Variants in CDH8 observed in about 807,000 individuals in gnomAD.
The protein encoded by CDH8 is cadherin-8.
CDH8 carries 17 observed loss-of-function variants against 68.1 expected under a neutral mutation model. That is an observed-to-expected ratio of 0.25 (90% CI 0.17 to 0.37). The LOEUF is 0.37. Among genes scored for constraint, CDH8 ranks in the 10% least tolerant of loss-of-function variants. The pLI, the probability that CDH8 is intolerant of heterozygous loss-of-function variation, is 1.00. For synonymous variants in CDH8, 372 were observed against 365.1 expected, an observed-to-expected ratio of 1.02 and a Z score of -0.21; for missense variants, 763 against 999.3, an observed-to-expected ratio of 0.76 and a Z score of 3.19.
intron 8 of CDH8, among the ~76,000 whole-genome samples, chr16:61,758,767 G>A (rs1960387916): frequency 1.3e-5 from 2 of 152,112 alleles, no homozygotes; most frequent in Admixed American, 1.3e-4. Context: ...AATTAAGAAA[G>A]AGTCTCAGTT....
chr16:61,807,809 A>T (rs1413163101), intron 7 of CDH8, among the ~76,000 whole-genome samples: 1 of 152,180 alleles, frequency 6.6e-6, no homozygotes, highest in Non-Finnish European at 1.5e-5. Context: ...GGAAACTACT[A>T]GTTTGGGCCA....
Position 61,888,336 on chromosome 16 carries a change from G to A in CDH8, c.547+12843C>T, listed in dbSNP as rs918382808. Among the ~76,000 whole-genome samples the A allele has an allele frequency of 7.2e-4, 110 of 152,100 alleles. 1 individual carries two copies. Among genetic ancestry groups the A allele is most frequent in the African/African-American group, 2.1e-3 (86 of 41,426 alleles). On this transcript the variant is annotated intron_variant, in intron 3 of 11. Transcript: ENST00000577390. Reference sequence around the variant, plus strand: ...CCCATGGGTTCTAGTTGGTCCTCTGGGATTCCAGTGTATTCCTGGTCTTTC... The same window carrying A: ...CCCATGGGTTCTAGTTGGTCCTCTGAGATTCCAGTGTATTCCTGGTCTTTC...
At chr16:61,818,878 T>C (rs140825449) in intron 6 of CDH8, among the ~76,000 whole-genome samples, 1 of 152,020 alleles carries the variant, frequency 6.6e-6, no homozygotes, top group East Asian at 1.9e-4. Context: ...TATATTCTTA[T>C]TTCAAACTAT....
At chr16:62,007,157 C>T (rs1965989346) in intron 2 of CDH8, among the ~76,000 whole-genome samples, 1 of 152,102 alleles carries the variant, frequency 6.6e-6, no homozygotes, top group Non-Finnish European at 1.5e-5. Context: ...CCACCCACCT[C>T]GGCCTCCCAA....
chr16:61,982,371 C>T (rs896013519), intron 2 of CDH8, among the ~76,000 whole-genome samples: 1 of 152,136 alleles, frequency 6.6e-6, no homozygotes, highest in East Asian at 1.9e-4. Context: ...AGGCGCCCGC[C>T]ACCTCGCCCG....
At chr16:61,882,276 C>T (rs1963593001) in intron 3 of CDH8, among the ~76,000 whole-genome samples, 1 of 152,206 alleles carries the variant, frequency 6.6e-6, no homozygotes, top group Admixed American at 6.5e-5. Context: ...AATAATCATA[C>T]ACGTTTCCAT....
intron 8 of CDH8, among the ~76,000 whole-genome samples, chr16:61,752,652 T>C (rs922449886): frequency 1.3e-5 from 2 of 152,196 alleles, no homozygotes; most frequent in African/African-American, 4.8e-5. Context: ...TGAATAGTAT[T>C]TTGTCTATTA....
intron 4 of CDH8, among the ~76,000 whole-genome samples, chr16:61,831,627 T>C (rs757571263): frequency 6.6e-6 from 1 of 151,810 alleles, no homozygotes; most frequent in Non-Finnish European, 1.5e-5. Flanking sequence ...TTTGGCGTTA[T>C]CATTTGAGAA....
intron 2 of CDH8, among the ~76,000 whole-genome samples, chr16:61,994,636 G>T (rs1454421488): frequency 1.3e-5 from 2 of 152,146 alleles, no homozygotes; most frequent in Admixed American, 6.6e-5. Flanking sequence ...CTAAAAGTGT[G>T]GTCTTCAGAC....
rs950851901 is a variant in CDH8 at position 62,016,212 on chromosome 16, G to A, written c.252+4940C>T. ...GAGAACCACATTCCTTCATGTCAGA[G>A]TACTTATTTCAGTTTTCTTGTGATG... On this transcript the variant is annotated intron_variant, in intron 2 of 11. Transcript: ENST00000577390. 4.6e-5 allele frequency among the ~76,000 whole-genome samples: 7 copies of A among 152,050 alleles called. 1 individual carries two copies. Among genetic ancestry groups the A allele is most frequent in the African/African-American group, 1.7e-4 (7 of 41,394 alleles).
intron 4 of CDH8, among the ~76,000 whole-genome samples, chr16:61,845,858 T>C (rs1230815001): frequency 2.6e-5 from 4 of 152,110 alleles, no homozygotes; most frequent in Non-Finnish European, 4.4e-5. Context: ...CCATAGGAGT[T>C]TGAAAAACCG....
At chr16:61,975,530 G>A (rs1169060108) in intron 2 of CDH8, among the ~76,000 whole-genome samples, 1 of 152,058 alleles carries the variant, frequency 6.6e-6, no homozygotes, top group African/African-American at 2.4e-5. Flanking sequence ...GAGCACCAAT[G>A]GTGAAACTAA....
At chr16:61,989,267 T>A (rs531739622) in intron 2 of CDH8, among the ~76,000 whole-genome samples, 2 of 152,352 alleles carry the variant, frequency 1.3e-5, no homozygotes, top group Non-Finnish European at 2.9e-5. Context: ...TGGTACATTG[T>A]TATTTTTTGA....
At chr16:62,010,410 C>T (rs1287677493) in intron 2 of CDH8, among the ~76,000 whole-genome samples, 1 of 152,112 alleles carries the variant, frequency 6.6e-6, no homozygotes, top group Non-Finnish European at 1.5e-5. Flanking sequence ...TCTGTGATCA[C>T]CACGCACAGG....
intron 2 of CDH8, among the ~76,000 whole-genome samples, chr16:61,944,004 A>G (rs377239355): frequency 3.9e-5 from 6 of 152,222 alleles, no homozygotes; most frequent in Non-Finnish European, 5.9e-5. Flanking sequence ...GCATAGCTTA[A>G]TGGTAATAAC....
intron 3 of CDH8, among the ~76,000 whole-genome samples, chr16:61,900,497 G>GC (rs1220434102): frequency 6.6e-6 from 1 of 152,072 alleles, no homozygotes; most frequent in East Asian, 1.9e-4. Context: ...TATCATCATG[G>GC]CAGGGGTTTA....
chr16:61,883,604 A>C (rs1963617609), intron 3 of CDH8, among the ~76,000 whole-genome samples: 1 of 151,662 alleles, frequency 6.6e-6, no homozygotes, highest in Admixed American at 6.6e-5. Flanking sequence ...ATATGAATAA[A>C]AACAAGTATA....
chr16:61,901,970 A>G (rs1193206942), intron 2 of CDH8, among the ~76,000 whole-genome samples: 1 of 150,784 alleles, frequency 6.6e-6, no homozygotes, highest in Non-Finnish European at 1.5e-5. Context: ...CAAGGTTTAT[A>G]TTTGACAGAC....
intron 2 of CDH8, among the ~76,000 whole-genome samples, chr16:61,959,314 T>C (rs150120609): frequency 6.6e-6 from 1 of 152,262 alleles, no homozygotes; most frequent in African/African-American, 2.4e-5. Context: ...TCATTTAACA[T>C]ACTAAATATA....
Sources: allele counts gnomAD v4.1 joint callset (sites outside exome capture counted in the v4.1 genomes callset), GRCh38; gene constraint gnomAD v4.1.1; transcripts MANE v1.5; gene names NCBI Gene and HGNC (gene_info 2026-07-23, HGNC 2026-07-21).